Variants in MYRIP observed in about 807,000 individuals in gnomAD.
MYRIP encodes the protein rab effector MyRIP.
MYRIP carries 49 observed loss-of-function variants against 98.0 expected under a neutral mutation model. The observed-to-expected ratio is 0.50, with a 90% CI of 0.40 to 0.63. The LOEUF (loss-of-function observed/expected upper bound fraction) is 0.63. MYRIP is among the 30% of genes least tolerant of loss of function. The pLI is 0.00. For missense variants in MYRIP, 1,004 were observed against 1,058.2 expected (o/e 0.95, Z 0.71); for synonymous variants, 404 against 409.5 (o/e 0.99, Z 0.16).
At chr3:39,919,184 T>C (rs1575378865) in intron 2 of MYRIP, among the ~76,000 whole-genome samples, 1 of 152,216 alleles carries the variant, frequency 6.6e-6, no homozygotes, top group Non-Finnish European at 1.5e-5. Context: ...CCCAGGCTGG[T>C]CTGAGTCCTG....
At chr3:39,898,447 C>A (rs1189095158) in intron 1 of MYRIP, among the ~76,000 whole-genome samples, 1 of 152,004 alleles carries the variant, frequency 6.6e-6, no homozygotes, top group Non-Finnish European at 1.5e-5. Context: ...GGCAGATAAC[C>A]TTCTTTTAAA....
chr3:40,084,959 A>G (rs1198992918), intron 3 of MYRIP, among the ~76,000 whole-genome samples: 1 of 149,788 alleles, frequency 6.7e-6, no homozygotes, highest in Non-Finnish European at 1.5e-5. Context: ...GTCGATAGAT[A>G]ATATATATCT....
chr3:39,909,848 C>T (rs1013227864), intron 2 of MYRIP, among the ~76,000 whole-genome samples: 2 of 152,016 alleles, frequency 1.3e-5, no homozygotes, highest in East Asian at 1.9e-4. Flanking sequence ...AATATCATCT[C>T]CCTTTATCCC....
intron 1 of MYRIP, among the ~76,000 whole-genome samples, chr3:39,895,554 C>T (rs767228534): frequency 1.8e-4 from 27 of 151,978 alleles, no homozygotes; most frequent in Non-Finnish European, 2.5e-4. Context: ...ACTTTTTTTG[C>T]GGTAAACATT....
chr3:39,993,814 C>G (rs1311755288), intron 2 of MYRIP, among the ~76,000 whole-genome samples: 1 of 152,194 alleles, frequency 6.6e-6, no homozygotes, highest in African/African-American at 2.4e-5. Context: ...GTTTCAGGGT[C>G]TGAGAGGGAG....
chr3:39,887,513 T>C (rs1018148540), intron 1 of MYRIP, among the ~76,000 whole-genome samples: 2 of 152,148 alleles, frequency 1.3e-5, no homozygotes, highest in African/African-American at 4.8e-5. Flanking sequence ...AATTAGGTAT[T>C]GATGGGACGT....
chr3:40,083,732 C>T (rs916775211), intron 3 of MYRIP, among the ~76,000 whole-genome samples: 1 of 151,608 alleles, frequency 6.6e-6, no homozygotes, highest in Non-Finnish European at 1.5e-5. Context: ...CCATCTCAAA[C>T]CATGGAGGCC....
intron 1 of MYRIP, among the ~76,000 whole-genome samples, chr3:39,837,347 A>T (rs919461921): frequency 6.6e-6 from 1 of 152,094 alleles, no homozygotes; most frequent in African/African-American, 2.4e-5. Flanking sequence ...TTATGGTTTT[A>T]GGTCTTATGT....
intron 1 of MYRIP, among the ~76,000 whole-genome samples, chr3:39,898,508 A>G (rs1490088038): frequency 2.0e-5 from 3 of 152,080 alleles, no homozygotes; most frequent in African/African-American, 7.2e-5. Flanking sequence ...GGCTAGAAAA[A>G]GGGGGCAGGG....
intron 2 of MYRIP, among the ~76,000 whole-genome samples, chr3:39,989,413 T>C (rs559865175): frequency 4.9e-4 from 74 of 152,328 alleles, no homozygotes; most frequent in African/African-American, 1.6e-3. Flanking sequence ...CTCCTTCCTC[T>C]GGGATCTCTG....
chr3:39,882,656 AT>A (rs1161846439), intron 1 of MYRIP, among the ~76,000 whole-genome samples: 3 of 152,056 alleles, frequency 2.0e-5, no homozygotes, highest in Admixed American at 2.0e-4. Context: ...CACAGCTTAA[AT>A]TTTCTTCTTT....
At chr3:39,896,613 TCAAAGTG>T (rs1273676409) in intron 1 of MYRIP, among the ~76,000 whole-genome samples, 1 of 152,210 alleles carries the variant, frequency 6.6e-6, no homozygotes, top group Non-Finnish European at 1.5e-5. Flanking sequence ...CCCACCATGG[TCAAAGTG>T]CAAAGCCCCA....
intron 3 of MYRIP, among the ~76,000 whole-genome samples, chr3:40,089,431 T>C (rs916603664): frequency 1.1e-4 from 16 of 152,206 alleles, no homozygotes; most frequent in Non-Finnish European, 2.1e-4. Flanking sequence ...AACATCATCC[T>C]TTTTCATTTA....
At chr3:39,816,200 G>A (rs1465098914) in intron 1 of MYRIP, among the ~76,000 whole-genome samples, 2 of 151,898 alleles carry the variant, frequency 1.3e-5, no homozygotes, top group African/African-American at 4.8e-5. Context: ...TCCTGCCTCA[G>A]CCTCCTGAGT....
intron 3 of MYRIP, among the ~76,000 whole-genome samples, chr3:40,138,909 G>C (rs564915547): frequency 6.6e-6 from 1 of 152,246 alleles, no homozygotes; most frequent in South Asian, 2.1e-4. Flanking sequence ...TAGAACACTA[G>C]AACTTATTCC....
chr3:39,953,097 T>C (rs1945067490), intron 2 of MYRIP, among the ~76,000 whole-genome samples: 1 of 152,184 alleles, frequency 6.6e-6, no homozygotes, highest in Non-Finnish European at 1.5e-5. Flanking sequence ...TACTGTTCTC[T>C]GTTCCAAATC....
At chr3:39,981,326 C>T (rs917951382) in intron 2 of MYRIP, among the ~76,000 whole-genome samples, 1 of 152,202 alleles carries the variant, frequency 6.6e-6, no homozygotes, top group Non-Finnish European at 1.5e-5. Context: ...CCTGTTACAT[C>T]TGCCTTTCTT....
intron 2 of MYRIP, among the ~76,000 whole-genome samples, chr3:39,912,281 G>A (rs974255594): frequency 7.2e-5 from 11 of 152,340 alleles, no homozygotes; most frequent in Middle Eastern, 3.4e-3. Flanking sequence ...CAGATATGGT[G>A]ATGTGCCCAG....
Position 40,215,283 on chromosome 3 carries a change from T to C in MYRIP, c.1905+5190T>C, listed in dbSNP as rs571656769. Among the ~76,000 whole-genome samples, 3 of 152,290 alleles carry C rather than the reference T, an allele frequency of 2.0e-5. No homozygotes were observed. The South Asian group carries it at 6.2e-4, about 32-fold the overall frequency. On this transcript the variant is annotated intron_variant, in intron 11 of 16. Transcript: ENST00000302541. ...TGCAGGGATTCAAACTGACTCATAG[T>C]TTCACTTTAAAGAGTGAAACTACAT...
Sources: gnomAD v4.1 joint callset for allele counts (sites outside exome capture counted in the v4.1 genomes callset) on GRCh38, gnomAD v4.1.1 for gene constraint, MANE v1.5 for transcripts, NCBI Gene and HGNC (gene_info 2026-07-23, HGNC 2026-07-21) for gene names.